The following SEMA5A variants were observed in gnomAD, a reference collection of about 807,000 sequenced individuals.
The protein encoded by SEMA5A is semaphorin-5A.
In SEMA5A, 55 loss-of-function variants were observed where a neutral mutation model predicts 135.5. The observed-to-expected ratio is 0.41, with a 90% CI of 0.33 to 0.51. The LOEUF (loss-of-function observed/expected upper bound fraction) is 0.51, where lower values mean the gene tolerates loss of function less well. Ranked by LOEUF, SEMA5A falls within the 20% of genes least tolerant of loss-of-function variation. The probability of loss-of-function intolerance (pLI) is 0.37; values close to 1 mark genes in which losing one functional copy is unlikely to be tolerated. For missense variants in SEMA5A, 1,290 were observed against 1,419.9 expected (o/e 0.91, Z 1.47); for synonymous variants, 580 against 546.5 (o/e 1.06, Z -0.85).
intron 1 of SEMA5A, among the ~76,000 whole-genome samples, chr5:9,463,117 A>C (rs1452367421): frequency 6.6e-6 from 1 of 152,156 alleles, no homozygotes; most frequent in African/African-American, 2.4e-5. Context: ...CTGATAAAAG[A>C]CTCATCTTGT....
intron 1 of SEMA5A, among the ~76,000 whole-genome samples, chr5:9,531,078 G>A (rs1396134652): frequency 6.6e-6 from 1 of 152,132 alleles, no homozygotes; most frequent in Admixed American, 6.5e-5. Flanking sequence ...GATGAATAAT[G>A]TGGGTTTTGT....
chr5:9,484,650 G>A (rs1262996271), intron 1 of SEMA5A, among the ~76,000 whole-genome samples: 1 of 152,182 alleles, frequency 6.6e-6, no homozygotes, highest in Non-Finnish European at 1.5e-5. Flanking sequence ...ACAGTTAAAT[G>A]TTATTTGGAT....
intron 19 of SEMA5A, among the ~76,000 whole-genome samples, chr5:9,053,615 A>G (rs907813764): frequency 1.3e-5 from 2 of 152,090 alleles, no homozygotes; most frequent in Admixed American, 1.3e-4. Context: ...TTTTGAGACA[A>G]AAAGGCTGCA....
chr5:9,366,635 G>A (rs971220951), intron 3 of SEMA5A, among the ~76,000 whole-genome samples: 1 of 152,150 alleles, frequency 6.6e-6, no homozygotes, highest in Non-Finnish European at 1.5e-5. Flanking sequence ...TGATCCGTCC[G>A]CCTTAGCCTC....
chr5:9,371,682 C>T (rs1755142423), intron 3 of SEMA5A, among the ~76,000 whole-genome samples: 1 of 152,170 alleles, frequency 6.6e-6, no homozygotes. Flanking sequence ...TTTGACATTA[C>T]ATCACATAAA....
At chr5:9,368,723 T>C (rs1275105934) in intron 3 of SEMA5A, among the ~76,000 whole-genome samples, 1 of 152,244 alleles carries the variant, frequency 6.6e-6, no homozygotes, top group African/African-American at 2.4e-5. Flanking sequence ...GCTATCTGTA[T>C]TTGTAGTTTG....
chr5:9,294,731 C>T (rs1751249883), intron 5 of SEMA5A, among the ~76,000 whole-genome samples: 1 of 152,182 alleles, frequency 6.6e-6, no homozygotes, highest in Non-Finnish European at 1.5e-5. Context: ...TGAGAGGTCT[C>T]AATGAAGAAA....
intron 1 of SEMA5A, chr5:9,518,054 A>G (rs1736623831): frequency 6.6e-6 from 1 of 152,206 alleles, no homozygotes; most frequent in Admixed American, 6.5e-5. Flanking sequence ...ATTCACAAAG[A>G]GCAGAACAAC....
intron 12 of SEMA5A, among the ~76,000 whole-genome samples, chr5:9,140,713 A>G (rs1047117181): frequency 2.0e-5 from 3 of 152,196 alleles, no homozygotes; most frequent in Non-Finnish European, 4.4e-5. Flanking sequence ...ACATATGGGA[A>G]TTCTCTGTGT....
rs151078177 is a variant in SEMA5A, at chr5:9,210,058, C to T, written c.647-7818G>A. ...GCATGATATCTTCACTACAGTGAGG[C>T]ATCCCTTCTTGTAGTGGATTTATTC... On this transcript the variant is annotated intron_variant, in intron 8 of 22. Coordinates refer to ENST00000382496, the MANE Select transcript of SEMA5A (RefSeq NM_003966.3). 3.4e-3 allele frequency among the ~76,000 whole-genome samples: 518 copies of T among 152,330 alleles called. 2 individuals are homozygous for T. Among genetic ancestry groups the T allele is most frequent in the African/African-American group, 0.012 (492 of 41,574 alleles).
In SEMA5A at chr5:9,199,304, C is replaced by T. The variant is rs193286625; in HGVS notation, c.933-2001G>A. On this transcript the variant is annotated intron_variant, in intron 9 of 22. Transcript: ENST00000382496. ...CTTCTTCCTGTCCCCTGTGCCATCCCCTGGGGAGCACAATTGGTATAGTAT... is the reference window on the plus strand; with the variant it reads ...CTTCTTCCTGTCCCCTGTGCCATCCTCTGGGGAGCACAATTGGTATAGTAT... Among the ~76,000 whole-genome samples, 10 of 152,270 alleles carry T rather than the reference C, an allele frequency of 6.6e-5. No individual in the cohort carries two copies. The East Asian group carries it at 1.9e-3, about 29-fold the overall frequency.
At chr5:9,540,352 G>T (rs1738012910) in intron 1 of SEMA5A, among the ~76,000 whole-genome samples, 1 of 152,084 alleles carries the variant, frequency 6.6e-6, no homozygotes, top group African/African-American at 2.4e-5. Flanking sequence ...CACTTTGGGA[G>T]GCCGAGGCGG....
chr5:9,403,631 C>T (rs957176846), intron 2 of SEMA5A, among the ~76,000 whole-genome samples: 1 of 152,158 alleles, frequency 6.6e-6, no homozygotes, highest in East Asian at 1.9e-4. Context: ...TACCTGCTGC[C>T]ACATTATAAT....
chr5:9,370,769 AC>A (rs781168620), intron 3 of SEMA5A, among the ~76,000 whole-genome samples: 7 of 152,196 alleles, frequency 4.6e-5, no homozygotes, highest in Non-Finnish European at 8.8e-5. Context: ...CCCAAATGTA[AC>A]CAAGGTGGCT....
At chr5:9,408,055 A>G (rs1282719061) in intron 2 of SEMA5A, among the ~76,000 whole-genome samples, 2 of 151,814 alleles carry the variant, frequency 1.3e-5, no homozygotes, top group Non-Finnish European at 2.9e-5. Flanking sequence ...TATGACCATC[A>G]CCACTACCAC....
At chr5:9,423,560 CACTA>C (rs1757544266) in intron 2 of SEMA5A, among the ~76,000 whole-genome samples, 1 of 152,232 alleles carries the variant, frequency 6.6e-6, no homozygotes, top group South Asian at 2.1e-4. Flanking sequence ...ATCTTGTTTT[CACTA>C]ACTGTGAGAA....
rs2150372952 is a variant in SEMA5A, at chr5:9,204,281, G to T, written c.647-2041C>A. On this transcript the variant is annotated intron_variant, in intron 8 of 22. Coordinates refer to ENST00000382496, the MANE Select transcript of SEMA5A (RefSeq NM_003966.3). This position sits in a 1 kb window ranked among gnomAD's most constrained non-coding sequence, Gnocchi z 6.4. Reference sequence around the variant, plus strand: ...AGGCGTAAGGGTCCAAGTGTGTCTAGCCCGGGACTTAGGTTACCAGCACAC... The same window carrying T: ...AGGCGTAAGGGTCCAAGTGTGTCTATCCCGGGACTTAGGTTACCAGCACAC... 6.6e-6 allele frequency among the ~76,000 whole-genome samples: 1 copy of T among 152,252 alleles called. No individual in the cohort carries two copies. Among genetic ancestry groups the T allele is most frequent in the African/African-American group, 2.4e-5 (1 of 41,544 alleles).
chr5:9,208,510 G>T (rs1467211373), intron 8 of SEMA5A, among the ~76,000 whole-genome samples: 1 of 152,194 alleles, frequency 6.6e-6, no homozygotes, highest in Non-Finnish European at 1.5e-5. Flanking sequence ...GGTATGGAGG[G>T]CCAGGGCAGC....
intron 16 of SEMA5A, among the ~76,000 whole-genome samples, chr5:9,069,868 A>G (rs111586301): frequency 7.2e-5 from 11 of 152,328 alleles, no homozygotes; most frequent in African/African-American, 2.2e-4. Flanking sequence ...AAAGCCAGGC[A>G]CAACGCGTGT....
Sources: allele counts gnomAD v4.1 joint callset (sites outside exome capture counted in the v4.1 genomes callset), GRCh38; gene constraint gnomAD v4.1.1; non-coding constraint Gnocchi (gnomAD v3.1); transcripts MANE v1.5; gene names NCBI Gene and HGNC (gene_info 2026-07-23, HGNC 2026-07-21).